Variants in ADH1B observed in about 807,000 individuals in gnomAD.
The protein encoded by ADH1B is all-trans-retinol dehydrogenase [NAD(+)] ADH1B.
In ADH1B, 29 loss-of-function variants were observed where a neutral mutation model predicts 34.6. The observed-to-expected ratio is 0.84, with a 90% CI of 0.62 to 1.14. The LOEUF (loss-of-function observed/expected upper bound fraction) is 1.14. ADH1B is among the 50% of genes most tolerant of loss of function. The probability of loss-of-function intolerance (pLI) is 0.00; values close to 1 mark genes in which losing one functional copy is unlikely to be tolerated. For synonymous variants in ADH1B, 170 were observed against 175.5 expected (o/e 0.97, Z 0.25); for missense variants, 424 against 468.4 (o/e 0.91, Z 0.87).
chr4:99,316,569 A>ACTATTACAGT, intron 3 of ADH1B: 1 of 418,316 alleles, frequency 2.4e-6, no homozygotes. Flanking sequence ...ACTAATAGTT[A>ACTATTACAGT]ACTTTTACAC....
rs1359995833 is a variant in ADH1B at position 99,306,027 on chromosome 4, CAG to C, written c.*1811_*1812del. 6.6e-6 allele frequency: 1 copy of C among 152,224 alleles called. No homozygotes were observed. The highest frequency in any genetic ancestry group is 1.9e-4 in the East Asian group (1 of 5,192). 9.4% of individuals were successfully genotyped at this position (152,224 alleles called of 1,614,324 possible). On this transcript the variant is annotated 3_prime_UTR_variant, in exon 9 of 9. Coordinates refer to ENST00000305046, the MANE Select transcript of ADH1B (RefSeq NM_000668.6). ...AGCATTTTCTTTTCTTTTCTTTTGA[CAG>C]AGTTTTGCTCTTGTCGCCTAGGCTG...
rs1050810089 is a variant in ADH1B at position 99,305,256 on chromosome 4, C to T, written c.*2584G>A. ...TATACCAGAATTTGAAATTTTTCTC[C>T]ATGCTCAGAATTTCATTTTAAATAT... On this transcript the variant is annotated 3_prime_UTR_variant, in exon 9 of 9. Transcript: ENST00000305046. The T allele has an allele frequency of 4.6e-5, 7 of 151,310 alleles. No individual in the cohort carries two copies. Among genetic ancestry groups the T allele is most frequent in the South Asian group, 2.1e-4 (1 of 4,772 alleles). 9.4% of individuals were successfully genotyped at this position (151,310 alleles called of 1,614,324 possible).
Position 99,311,773 on chromosome 4 carries a change from A to G in ADH1B, c.829-117T>C, listed in dbSNP as rs1011816285. 1.6e-5 allele frequency: 23 copies of G among 1,434,036 alleles called. No homozygotes were observed. In the African/African-American group the frequency reaches 3.0e-4, roughly 19 times the overall value. The allele number at this position is 1,434,036 out of a possible 1,614,324, so 88.8% of individuals were successfully genotyped here. ...TGTGAGTGTGTAGAGGGAAGAGATC[A>G]TGTCTTTTGATCCTTCATTCCCCTT... On this transcript the variant is annotated intron_variant, in intron 6 of 8. Transcript: ENST00000305046.
chr4:99,310,138 T>C (rs192457732), intron 8 of ADH1B, among the ~76,000 whole-genome samples: 2 of 152,074 alleles, frequency 1.3e-5, no homozygotes. Context: ...ATGTTAGAGG[T>C]AGGAAATAGA....
chr4:99,313,018 TTTTTTTC>T (rs1327373188), intron 6 of ADH1B, among the ~76,000 whole-genome samples: 2 of 151,424 alleles, frequency 1.3e-5, no homozygotes, highest in Admixed American at 6.6e-5. Context: ...TGACTTTTCT[TTTTTTTC>T]TTTTTTCTTT....
At chr4:99,310,666 G>A (rs1231839212) in intron 8 of ADH1B, 99 bp downstream of exon 8, 2 of 1,468,780 alleles carry the variant, frequency 1.4e-6, no homozygotes, top group Non-Finnish European at 1.8e-6. Flanking sequence ...AAAACCAAGG[G>A]ACTCTATATT....
At chr4:99,318,749 A>G in intron 2 of ADH1B, 36 bp downstream of exon 2, 1 of 1,573,218 alleles carries the variant, frequency 6.4e-7, no homozygotes, top group Non-Finnish European at 8.7e-7. Flanking sequence ...GAGTTTTTTA[A>G]ATGTAAAATG....
At chr4:99,310,742 C>T (rs1384270624) in intron 8 of ADH1B, 23 bp downstream of exon 8, 1 of 1,597,420 alleles carries the variant, frequency 6.3e-7, no homozygotes, top group Non-Finnish European at 8.5e-7. Flanking sequence ...AAAAGCAAAA[C>T]AGAAAACTAA....
intron 8 of ADH1B, 132 bp from the exon 9 acceptor site, chr4:99,307,996 A>G (rs1579506880): frequency 1.7e-6 from 2 of 1,185,408 alleles, no homozygotes; most frequent in African/African-American, 1.6e-5. Context: ...TTCCATCCCC[A>G]TACATTTGGT....
chr4:99,314,152 C>T, intron 5 of ADH1B, 71 bp from the exon 6 acceptor site: 1 of 1,579,160 alleles, frequency 6.3e-7, no homozygotes, highest in Admixed American at 1.8e-5. Context: ...TCATAAAGTG[C>T]CATGCGTAGG....
rs906813638 is a variant in ADH1B at position 99,315,744 on chromosome 4, G to A, written c.567+154C>T. On this transcript the variant is annotated intron_variant, in intron 5 of 8. Transcript: ENST00000305046. The stretch of plus-strand genomic sequence containing the variant: ...CTGCAATAAATTGGTGAAATTTCTA[G>A]CATGTGTACTCAATTCTTTCTGGGC... The A allele has an allele frequency of 3.6e-5, 30 of 826,646 alleles. No homozygotes were observed. In the African/African-American group the frequency reaches 4.3e-4, roughly 12 times the overall value. The allele number at this position is 826,646 out of a possible 1,614,324, so 51.2% of individuals were successfully genotyped here.
chr4:99,316,505 T>A (rs886970501), intron 3 of ADH1B: 2 of 635,598 alleles, frequency 3.1e-6, no homozygotes, highest in Non-Finnish European at 2.7e-6. Context: ...GGATTCCTAC[T>A]GAGAAATCGC....
chr4:99,311,280 T>G (rs1237177807), intron 7 of ADH1B, among the ~76,000 whole-genome samples: 1 of 152,174 alleles, frequency 6.6e-6, no homozygotes, highest in African/African-American at 2.4e-5. Flanking sequence ...AGATGGAGAT[T>G]AAAGGTCCTG....
Position 99,305,304 on chromosome 4 carries a change from C to T in ADH1B, c.*2536G>A, listed in dbSNP as rs1327349103. ...TATGTTCGTGATATTATTGAAGTCA[C>T]CCCCCCCCACTTTATTTGTTTTCAT... On this transcript the variant is annotated 3_prime_UTR_variant, in exon 9 of 9. Transcript: ENST00000305046. 4.2e-5 allele frequency: 2 copies of T among 48,080 alleles called. No individual in the cohort carries two copies. Among genetic ancestry groups the T allele is most frequent in the Non-Finnish European group, 1.1e-4 (2 of 17,566 alleles). The allele number at this position is 48,080 out of a possible 1,614,324, so 3.0% of individuals were successfully genotyped here.
intron 5 of ADH1B, 172 bp from the exon 6 acceptor site, chr4:99,314,253 T>C: frequency 9.1e-7 from 1 of 1,095,998 alleles, no homozygotes; most frequent in Non-Finnish European, 1.3e-6. Context: ...TTCAAGGGGA[T>C]GAACTAGTTG....
chr4:99,313,698 G>A, intron 6 of ADH1B, 123 bp downstream of exon 6: 1 of 1,543,640 alleles, frequency 6.5e-7, no homozygotes, highest in Non-Finnish European at 8.8e-7. Context: ...ATAACAAACA[G>A]ATGATGGGAA....
chr4:99,306,901 T>G lies in ADH1B; in HGVS notation c.*939A>C, dbSNP rs1157024554. On this transcript the variant is annotated 3_prime_UTR_variant, in exon 9 of 9. Coordinates refer to ENST00000305046, the MANE Select transcript of ADH1B (RefSeq NM_000668.6). ...CTAGGAAAATATATTGCTTAAGGTG[T>G]TTGTGCCATTTCTTAGTTACCAATT... 2 of 152,228 alleles carry G rather than the reference T, an allele frequency of 1.3e-5. No homozygotes were observed. The highest frequency in any genetic ancestry group is 4.8e-5 in the African/African-American group (2 of 41,456). 9.4% of individuals were successfully genotyped at this position (152,228 alleles called of 1,614,324 possible).
chr4:99,316,507 A>C (rs1207211623), intron 3 of ADH1B: 1 of 627,512 alleles, frequency 1.6e-6, no homozygotes, highest in Admixed American at 3.1e-5. Context: ...ATTCCTACTG[A>C]GAAATCGCAA....
At chr4:99,314,316 A>C in intron 5 of ADH1B, 1 of 658,310 alleles carries the variant, frequency 1.5e-6, no homozygotes, top group Non-Finnish European at 2.5e-6. Flanking sequence ...TTTACAAAAT[A>C]TCCCACAGTC....
Sources: gnomAD v4.1 joint callset for allele counts (sites outside exome capture counted in the v4.1 genomes callset) on GRCh38, gnomAD v4.1.1 for gene constraint, MANE v1.5 for transcripts, NCBI Gene and HGNC (gene_info 2026-07-23, HGNC 2026-07-21) for gene names.